SLC12A7: variants seen among roughly 807,000 people sequenced by gnomAD.
SLC12A7 encodes the protein solute carrier family 12 member 7.
SLC12A7 carries 100 observed loss-of-function variants against 120.6 expected under a neutral mutation model. The observed-to-expected ratio is 0.83, with a 90% CI of 0.71 to 0.98. The LOEUF is 0.98. Ranked by LOEUF, SLC12A7 falls within the 50% of genes least tolerant of loss-of-function variation. The probability of loss-of-function intolerance (pLI) is 0.00; values close to 1 mark genes in which losing one functional copy is unlikely to be tolerated. For missense variants in SLC12A7, 1,373 were observed against 1,548.1 expected (o/e 0.89, Z 1.90); for synonymous variants, 760 against 678.0 (o/e 1.12, Z -1.88).
chr5:1,155,649 G>A, the SLC12A7 span, among the ~76,000 whole-genome samples: 2 of 151,240 alleles, frequency 1.3e-5, no homozygotes, highest in Non-Finnish European at 3.0e-5. Context: ...GCCCCTCGAG[G>A]GGACCGGCAC....
At chr5:1,135,220 A>T in the SLC12A7 span, among the ~76,000 whole-genome samples, 1 of 152,344 alleles carries the variant, frequency 6.6e-6, no homozygotes, top group East Asian at 1.9e-4. Flanking sequence ...ATCTGGAAAG[A>T]CTGTGGGGCC....
chr5:1,059,758 C>G (rs1482451951), intron 21 of SLC12A7, among the ~76,000 whole-genome samples: 1 of 107,622 alleles, frequency 9.3e-6, no homozygotes, highest in Non-Finnish European at 1.8e-5. Context: ...AGGTCTGTGT[C>G]GGGGGGTGGG....
At chr5:1,081,521 CA>C in intron 9 of SLC12A7, 55 bp downstream of exon 9, 1 of 1,560,276 alleles carries the variant, frequency 6.4e-7, no homozygotes, top group Non-Finnish European at 8.7e-7. Flanking sequence ...GACCTTGCCT[CA>C]AAAAAGAGAG....
chr5:1,079,492 G>A lies in SLC12A7; in HGVS notation c.1302C>T (p.Ile434=), dbSNP rs746691377. ...VGIYFPSVTG[I]MAGSNRSGDL... The stretch of plus-strand genomic sequence containing the variant: ...CCCCGGACCGGTTTGAACCCGCCAT[G>A]ATACCTGTGAACATGGAAAATGCTG... The change falls in exon 10 of 24, where the codon ATC becomes ATT. Residue 434 remains isoleucine (I), a synonymous_variant. Transcript: ENST00000264930. The A allele has an allele frequency of 9.6e-5, 154 of 1,611,906 alleles. No homozygotes were observed. Among genetic ancestry groups the A allele is most frequent in the Non-Finnish European group, 1.2e-4 (145 of 1,179,240 alleles).
rs761173941 is a variant in SLC12A7, at chr5:1,073,628, C to T, written c.2241+5G>A. The T allele has an allele frequency of 7.5e-6, 12 of 1,599,058 alleles. No homozygotes were observed. In the African/African-American group the frequency reaches 1.5e-4, roughly 20 times the overall value. On this transcript the variant is annotated splice_donor_5th_base_variant and intron_variant, in intron 17 of 23. Transcript: ENST00000264930. ...GGCCTGGCCCCCAGACCCCGCCCGG[C>T]CCACCTCCTCGGCCCGCTGAGCCTC...
intron 1 of SLC12A7, among the ~76,000 whole-genome samples, chr5:1,105,573 T>TCATC (rs1191878344): frequency 6.6e-6 from 1 of 152,218 alleles, no homozygotes; most frequent in South Asian, 2.1e-4. Flanking sequence ...GCCAGGCAGC[T>TCATC]CATCGTTCAG....
chr5:1,058,262 C>T lies in SLC12A7; in HGVS notation c.2848-613G>A, dbSNP rs567059742. 6.6e-4 allele frequency among the ~76,000 whole-genome samples: 101 copies of T among 152,364 alleles called. 1 individual carries two copies. In the South Asian group the frequency reaches 0.015, roughly 22 times the overall value. Reference sequence around the variant, plus strand: ...GCTGTAGGCGCCGAAGGGGAAGTGGCGCCCTCACCGCGAGATCGCACCAAT... The same window carrying T: ...GCTGTAGGCGCCGAAGGGGAAGTGGTGCCCTCACCGCGAGATCGCACCAAT... On this transcript the variant is annotated intron_variant, in intron 21 of 23. Coordinates refer to ENST00000264930, the MANE Select transcript of SLC12A7 (RefSeq NM_006598.3).
rs1262898526 is a variant in SLC12A7 at position 1,075,464 on chromosome 5, A to G, written c.1874T>C (p.Leu625Pro). ...HWTLSFLGMS[L>P]CLALMFICSW... Reference sequence around the variant, plus strand: ...GCAGATGAACATCAGCGCCAGGCACAGGCTCATACCCAGAAAGGACAGGGT... The same window carrying G: ...GCAGATGAACATCAGCGCCAGGCACGGGCTCATACCCAGAAAGGACAGGGT... Residue 625 changes from leucine (L) to proline (P), a missense_variant, in exon 15 of 24, where the codon CTG (leucine) becomes CCG (proline). By Grantham distance (98) the Leu-to-Pro change is moderately conservative. Coordinates refer to ENST00000264930, the MANE Select transcript of SLC12A7 (RefSeq NM_006598.3). 4 of 1,612,130 alleles carry G rather than the reference A, an allele frequency of 2.5e-6. No individual in the cohort carries two copies. Among genetic ancestry groups the G allele is most frequent in the Non-Finnish European group, 3.4e-6 (4 of 1,179,408 alleles).
At chr5:1,079,540 G>A (rs368396620) in intron 9 of SLC12A7, 44 bp from the exon 10 acceptor site, 2 of 1,503,952 alleles carry the variant, frequency 1.3e-6, no homozygotes, top group Middle Eastern at 3.4e-4. Context: ...TGAGGAGTCA[G>A]TGCCATGTGA....
At chr5:1,060,852 AAC>A (rs1259168956) in intron 20 of SLC12A7, among the ~76,000 whole-genome samples, 1 of 147,508 alleles carries the variant, frequency 6.8e-6, no homozygotes, top group Non-Finnish European at 1.5e-5. Flanking sequence ...ACCCACCCAG[AAC>A]ACATGGAGAA....
At chr5:1,131,021 G>A in the SLC12A7 span, among the ~76,000 whole-genome samples, 2 of 152,172 alleles carry the variant, frequency 1.3e-5, no homozygotes, top group South Asian at 2.1e-4. Flanking sequence ...GAACAGGGAG[G>A]GGGTGGTGTT....
chr5:1,065,779 T>G (rs1736988180), intron 17 of SLC12A7, among the ~76,000 whole-genome samples: 1 of 151,964 alleles, frequency 6.6e-6, no homozygotes, highest in Non-Finnish European at 1.5e-5. Context: ...ATCCACAACA[T>G]CCCAGACCCA....
chr5:1,068,990 G>A (rs189715800), intron 17 of SLC12A7, among the ~76,000 whole-genome samples: 112 of 152,340 alleles, frequency 7.4e-4, no homozygotes, highest in Non-Finnish European at 1.0e-3. Flanking sequence ...TTCCAGCATG[G>A]GATAAGGAAC....
At chr5:1,061,919 C>G (rs999915775) in intron 20 of SLC12A7, among the ~76,000 whole-genome samples, 3 of 152,158 alleles carry the variant, frequency 2.0e-5, no homozygotes, top group African/African-American at 4.8e-5. Flanking sequence ...GGGGACAGAG[C>G]GAGACTCTGT....
chr5:1,054,169 G>T (rs939283493), intron 22 of SLC12A7, among the ~76,000 whole-genome samples: 3 of 152,256 alleles, frequency 2.0e-5, no homozygotes. Flanking sequence ...CCCCTGTCTG[G>T]CCAAGGGCTA....
At chr5:1,102,422 C>G (rs939785510) in intron 1 of SLC12A7, among the ~76,000 whole-genome samples, 1 of 152,250 alleles carries the variant, frequency 6.6e-6, no homozygotes, top group Non-Finnish European at 1.5e-5. Flanking sequence ...CATCCCTCCC[C>G]CTCTTCCTCC....
At chr5:1,121,322 C>T in the SLC12A7 span, among the ~76,000 whole-genome samples, 1 of 152,222 alleles carries the variant, frequency 6.6e-6, no homozygotes, top group Non-Finnish European at 1.5e-5. Flanking sequence ...AGCAGTGGTG[C>T]CACCTGGCAG....
chr5:1,053,820 A>T lies in SLC12A7; in HGVS notation c.3027-338T>A, dbSNP rs192876455. Among the ~76,000 whole-genome samples, 58 of 152,348 alleles carry T rather than the reference A, an allele frequency of 3.8e-4. 1 individual carries two copies. In the East Asian group the frequency reaches 0.01, roughly 27 times the overall value. ...CATCTACATCTGCAAAGCAGGCAGA[A>T]CAGTGGAAGCCGTCTGGGTGGCCCA... On this transcript the variant is annotated intron_variant, in intron 22 of 23. Coordinates refer to ENST00000264930, the MANE Select transcript of SLC12A7 (RefSeq NM_006598.3).
At chr5:1,099,294 C>A (rs1169194082) in intron 1 of SLC12A7, among the ~76,000 whole-genome samples, 3 of 152,102 alleles carry the variant, frequency 2.0e-5, no homozygotes, top group Middle Eastern at 3.4e-3. Context: ...CCCGGTCCAC[C>A]TCCTCCGGTG....
Sources: allele counts gnomAD v4.1 joint callset (sites outside exome capture counted in the v4.1 genomes callset), GRCh38; gene constraint gnomAD v4.1.1; transcripts MANE v1.5; gene names NCBI Gene and HGNC (gene_info 2026-07-23, HGNC 2026-07-21).